Variants in ST6GALNAC3 observed in about 807,000 individuals in gnomAD.
The protein encoded by ST6GALNAC3 is ST6 N-acetylgalactosaminide alpha-2,6-sialyltransferase 3, also known as alpha-N-acetylgalactosaminide alpha-2,6-sialyltransferase 3.
Under a neutral mutation model 32.7 loss-of-function variants are expected in ST6GALNAC3, and 25 were observed. The ratio of observed to expected loss-of-function variants is 0.76; its 90% CI spans 0.56 to 1.07. ST6GALNAC3 has a LOEUF of 1.07. ST6GALNAC3 is among the 50% of genes least tolerant of loss of function. ST6GALNAC3 has a pLI of 0.00. For missense variants in ST6GALNAC3, 355 were observed against 382.4 expected (o/e 0.93, Z 0.60); for synonymous variants, 129 against 133.1 (o/e 0.97, Z 0.21).
At chr1:76,340,292 A>G (rs1329261735) in intron 2 of ST6GALNAC3, among the ~76,000 whole-genome samples, 1 of 152,238 alleles carries the variant, frequency 6.6e-6, no homozygotes. Context: ...AGGCCTAGAA[A>G]TAGGAGTATT....
chr1:76,305,390 G>A (rs1414673396), intron 1 of ST6GALNAC3, among the ~76,000 whole-genome samples: 3 of 152,028 alleles, frequency 2.0e-5, no homozygotes, highest in African/African-American at 7.2e-5. Flanking sequence ...GAATAGGGCA[G>A]AAGGAGTGGA....
At chr1:76,110,613 A>G (rs551859970) in intron 1 of ST6GALNAC3, among the ~76,000 whole-genome samples, 34 of 152,322 alleles carry the variant, frequency 2.2e-4, no homozygotes, top group African/African-American at 7.9e-4. Context: ...GCTAGACCTG[A>G]CAGTCCAAGG....
intron 3 of ST6GALNAC3, among the ~76,000 whole-genome samples, chr1:76,573,990 A>C (rs1186700250): frequency 6.6e-6 from 1 of 152,080 alleles, no homozygotes; most frequent in African/African-American, 2.4e-5. Context: ...TTCAATAAAT[A>C]TTCATTGAAC....
intron 3 of ST6GALNAC3, among the ~76,000 whole-genome samples, chr1:76,514,549 C>A (rs1662059842): frequency 6.6e-6 from 1 of 152,058 alleles, no homozygotes; most frequent in Non-Finnish European, 1.5e-5. Flanking sequence ...CTGGTTCTTG[C>A]AGAAATGGAT....
Position 76,379,702 on chromosome 1 carries a change from TG to T in ST6GALNAC3, c.214-32305del, listed in dbSNP as rs144511213. Among the ~76,000 whole-genome samples the T allele has an allele frequency of 1.6e-4, 25 of 152,308 alleles. No individual in the cohort carries two copies. The East Asian group carries it at 4.8e-3, about 29-fold the overall frequency. ...CCAGAAAGTGGTCAAATTTGGCATC[TG>T]AGACCTGAGAGTGGCCTCCTGTGGG... On this transcript the variant is annotated intron_variant, in intron 2 of 4. Coordinates refer to ENST00000328299, the MANE Select transcript of ST6GALNAC3 (RefSeq NM_152996.4).
chr1:76,401,909 T>G (rs1015468867), intron 2 of ST6GALNAC3, among the ~76,000 whole-genome samples: 9 of 152,202 alleles, frequency 5.9e-5, no homozygotes, highest in Non-Finnish European at 1.0e-4. Context: ...AGAGCTCACC[T>G]ATTCCTTCCA....
chr1:76,545,805 C>G (rs1664261958), intron 3 of ST6GALNAC3, among the ~76,000 whole-genome samples: 1 of 145,972 alleles, frequency 6.9e-6, no homozygotes, highest in Non-Finnish European at 1.6e-5. Flanking sequence ...TACAGGCATG[C>G]CCCCCCACAT....
chr1:76,353,559 A>C (rs983831606), intron 2 of ST6GALNAC3: 3 of 155,088 alleles, frequency 1.9e-5, no homozygotes, highest in African/African-American at 7.2e-5. Flanking sequence ...GACAGGAAAC[A>C]GTGAAGGGAT....
chr1:76,461,761 T>C (rs1658293139), intron 3 of ST6GALNAC3, among the ~76,000 whole-genome samples: 1 of 152,216 alleles, frequency 6.6e-6, no homozygotes, highest in South Asian at 2.1e-4. Flanking sequence ...GATGGTATGC[T>C]AGGCTCCCTA....
intron 2 of ST6GALNAC3, among the ~76,000 whole-genome samples, chr1:76,395,806 C>T (rs151089251): frequency 9.2e-5 from 14 of 152,116 alleles, no homozygotes; most frequent in African/African-American, 1.7e-4. Context: ...ATGATAGTTA[C>T]CAGAGTTTTG....
chr1:76,135,140 C>G (rs1245901669), intron 1 of ST6GALNAC3, among the ~76,000 whole-genome samples: 5 of 130,070 alleles, frequency 3.8e-5, no homozygotes, highest in African/African-American at 1.4e-4. Context: ...AGACTCTGCT[C>G]AAAAAAAAAA....
intron 1 of ST6GALNAC3, among the ~76,000 whole-genome samples, chr1:76,312,394 C>T (rs1646783427): frequency 6.6e-6 from 1 of 152,044 alleles, no homozygotes; most frequent in Non-Finnish European, 1.5e-5. Context: ...ACACCAAAAG[C>T]AATGGCAACA....
chr1:76,196,534 C>T (rs955675922), intron 1 of ST6GALNAC3, among the ~76,000 whole-genome samples: 1 of 151,532 alleles, frequency 6.6e-6, no homozygotes, highest in Non-Finnish European at 1.5e-5. Context: ...GGCGCGATCT[C>T]GGCTCACTGC....
At chr1:76,299,611 A>G (rs1239256739) in intron 1 of ST6GALNAC3, among the ~76,000 whole-genome samples, 1 of 152,026 alleles carries the variant, frequency 6.6e-6, no homozygotes, top group Non-Finnish European at 1.5e-5. Context: ...TTTTAGTTAA[A>G]ATATTAAGAT....
rs962192655 is a variant in ST6GALNAC3 at position 76,156,546 on chromosome 1, T to G, written c.18+81662T>G. On this transcript the variant is annotated intron_variant, in intron 1 of 4. Coordinates refer to ENST00000328299, the MANE Select transcript of ST6GALNAC3 (RefSeq NM_152996.4). ...TAGTATACTACTAGATTTTGTTTGG[T>G]TTTTTTTTTGCCTCTGGGAGCTGTT... Among the ~76,000 whole-genome samples, 5 of 147,730 alleles carry G rather than the reference T, an allele frequency of 3.4e-5. 1 individual carries two copies. The highest frequency in any genetic ancestry group is 3.4e-4 in the Admixed American group (5 of 14,884).
At chr1:76,085,340 TTC>T (rs1367057404) in intron 1 of ST6GALNAC3, among the ~76,000 whole-genome samples, 5 of 152,188 alleles carry the variant, frequency 3.3e-5, no homozygotes, top group Admixed American at 2.6e-4. Flanking sequence ...GGCTGTTGAG[TTC>T]TTTCAGTGGA....
At chr1:76,460,081 A>G (rs140937499) in intron 3 of ST6GALNAC3, among the ~76,000 whole-genome samples, 2 of 152,304 alleles carry the variant, frequency 1.3e-5, no homozygotes, top group African/African-American at 4.8e-5. Flanking sequence ...CAGTGATTGA[A>G]TCATTTTATA....
intron 1 of ST6GALNAC3, among the ~76,000 whole-genome samples, chr1:76,243,517 A>T (rs1657082862): frequency 6.6e-6 from 1 of 152,160 alleles, no homozygotes; most frequent in Admixed American, 6.5e-5. Flanking sequence ...TTAGTCATGA[A>T]GTCTTTGCCC....
chr1:76,567,172 C>T (rs559372636), intron 3 of ST6GALNAC3, among the ~76,000 whole-genome samples: 29 of 152,236 alleles, frequency 1.9e-4, no homozygotes, highest in African/African-American at 6.7e-4. Context: ...ATGCCTGGAT[C>T]AAATTCAATA....
Sources: allele counts gnomAD v4.1 joint callset (sites outside exome capture counted in the v4.1 genomes callset), GRCh38; gene constraint gnomAD v4.1.1; transcripts MANE v1.5; gene names NCBI Gene and HGNC (gene_info 2026-07-23, HGNC 2026-07-21).